Variants in SPAG9 observed in about 807,000 individuals in gnomAD.
The protein encoded by SPAG9 is C-Jun-amino-terminal kinase-interacting protein 4.
SPAG9 carries 35 observed loss-of-function variants against 166.5 expected under a neutral mutation model. The ratio of observed to expected loss-of-function variants is 0.21; its 90% CI spans 0.16 to 0.28. The LOEUF is 0.28. SPAG9 is among the 10% of genes least tolerant of loss of function. The pLI, the probability that SPAG9 is intolerant of heterozygous loss-of-function variation, is 1.00. For synonymous variants in SPAG9, 534 were observed against 565.5 expected, an observed-to-expected ratio of 0.94 and a Z score of 0.79; for missense variants, 1,235 against 1,603.3, an observed-to-expected ratio of 0.77 and a Z score of 3.92.
At chr17:51,067,799 C>T (rs2047715660) in intron 2 of SPAG9, among the ~76,000 whole-genome samples, 1 of 152,048 alleles carries the variant, frequency 6.6e-6, no homozygotes, top group Non-Finnish European at 1.5e-5. Context: ...TCCAAAATTT[C>T]CCCTTTAGAA....
Position 51,120,409 on chromosome 17 carries a change from T to C in SPAG9, c.248A>G (p.Glu83Gly). ...VELELLRDDN[E>G]QLITQYEREK... ...CCGCTCGTACTGGGTGATGAGCTGCTCGTTGTCGTCCCGCAGCAGCTCCAG... is the reference window on the plus strand; with the variant it reads ...CCGCTCGTACTGGGTGATGAGCTGCCCGTTGTCGTCCCGCAGCAGCTCCAG... Residue 83 changes from glutamate (E) to glycine (G), a missense_variant, in exon 1 of 30, where the codon GAG becomes GGG. Coordinates refer to ENST00000262013, the MANE Select transcript of SPAG9 (RefSeq NM_001130528.3). This position sits in a 1 kb window ranked among gnomAD's most constrained non-coding sequence, Gnocchi z 4.7. 6.2e-7 allele frequency: 1 copy of C among 1,611,948 alleles called. No individual in the cohort carries two copies. Among genetic ancestry groups the C allele is most frequent in the Non-Finnish European group, 8.5e-7 (1 of 1,179,156 alleles).
intron 5 of SPAG9, among the ~76,000 whole-genome samples, chr17:51,036,140 C>T (rs926319503): frequency 2.0e-5 from 3 of 152,064 alleles, no homozygotes; most frequent in African/African-American, 7.2e-5. Flanking sequence ...CTATTGAACC[C>T]TTCTTGTAAG....
intron 2 of SPAG9, among the ~76,000 whole-genome samples, chr17:51,074,020 A>C (rs2047897649): frequency 6.6e-6 from 1 of 151,678 alleles, no homozygotes; most frequent in African/African-American, 2.4e-5. Flanking sequence ...GTGGATAACA[A>C]GGTCAGGAGA....
intron 1 of SPAG9, among the ~76,000 whole-genome samples, chr17:51,111,341 C>G (rs775216467): frequency 2.0e-5 from 3 of 152,098 alleles, no homozygotes; most frequent in Non-Finnish European, 4.4e-5. Flanking sequence ...GAGTGCAGAG[C>G]AGAGCAAAAT....
At chr17:51,014,810 A>ACTT in intron 8 of SPAG9, among the ~76,000 whole-genome samples, 1 of 141,758 alleles carries the variant, frequency 7.1e-6, no homozygotes, top group East Asian at 2.9e-4. Context: ...AAGGTTAAAA[A>ACTT]CATAAATAGA....
chr17:51,047,027 C>A, intron 4 of SPAG9: 1 of 1,077,408 alleles, frequency 9.3e-7, no homozygotes, highest in Non-Finnish European at 1.2e-6. Context: ...TTCAAACATG[C>A]CTCTCTGTAA....
chr17:51,053,851 AAAAGTATATATAT>A (rs1246898009), intron 3 of SPAG9, among the ~76,000 whole-genome samples: 7 of 65,424 alleles, frequency 1.1e-4, no homozygotes, highest in African/African-American at 5.0e-4. Context: ...AAAAAAAAAA[AAAAGTATATATAT>A]ATATATATAT....
At chr17:51,098,614 T>TCCC (rs1048424805) in intron 1 of SPAG9, among the ~76,000 whole-genome samples, 1 of 152,052 alleles carries the variant, frequency 6.6e-6, no homozygotes, top group Non-Finnish European at 1.5e-5. Context: ...TAACTCAGCC[T>TCCC]CCCCAGTAGC....
intron 1 of SPAG9, among the ~76,000 whole-genome samples, chr17:51,118,529 T>C (rs976952754): frequency 1.6e-4 from 25 of 152,194 alleles, no homozygotes; most frequent in African/African-American, 6.0e-4. Context: ...TAAAAGGTCA[T>C]GTCAGGCTTG....
intron 1 of SPAG9, among the ~76,000 whole-genome samples, chr17:51,104,149 G>C (rs528296734): frequency 3.3e-4 from 50 of 152,234 alleles, no homozygotes; most frequent in African/African-American, 1.2e-3. Flanking sequence ...CCAGGTTTGG[G>C]AAATAAGTTC....
chr17:50,968,973 C>T (rs1380336310), intron 29 of SPAG9, among the ~76,000 whole-genome samples: 1 of 151,644 alleles, frequency 6.6e-6, no homozygotes, highest in East Asian at 2.0e-4. Flanking sequence ...CACTCTGTCA[C>T]CCAGGCTGGA....
chr17:51,031,443 T>C (rs1254751945), intron 6 of SPAG9: 9 of 529,070 alleles, frequency 1.7e-5, no homozygotes, highest in Non-Finnish European at 2.7e-5. Flanking sequence ...CAGAATTTAC[T>C]TATATTTTCT....
At chr17:51,009,892 G>A (rs913038997) in intron 9 of SPAG9, among the ~76,000 whole-genome samples, 2 of 152,020 alleles carry the variant, frequency 1.3e-5, no homozygotes, top group African/African-American at 2.4e-5. Flanking sequence ...AATATATGGT[G>A]TATAAATTGA....
In SPAG9 at chr17:50,990,798, T is replaced by C. The variant is rs922842007; in HGVS notation, c.2399-130A>G. 4.7e-5 allele frequency: 31 copies of C among 656,180 alleles called. No homozygotes were observed. The South Asian group carries it at 5.5e-4, about 12-fold the overall frequency. The allele number at this position is 656,180 out of a possible 1,614,324, so 40.6% of individuals were successfully genotyped here. On this transcript the variant is annotated intron_variant, in intron 19 of 29. Coordinates refer to ENST00000262013, the MANE Select transcript of SPAG9 (RefSeq NM_001130528.3). ...TACAGGTAGTTGAATACAGGTAGCA[T>C]TAAATTTACATAAACAAATCTTCAC...
At chr17:51,028,251 A>G (rs1176603371) in intron 6 of SPAG9, among the ~76,000 whole-genome samples, 1 of 152,164 alleles carries the variant, frequency 6.6e-6, no homozygotes, top group African/African-American at 2.4e-5. Context: ...AGGTTAATTT[A>G]TTATTGAAGA....
At chr17:51,119,681 T>C (rs542415592) in intron 1 of SPAG9, among the ~76,000 whole-genome samples, 2 of 152,310 alleles carry the variant, frequency 1.3e-5, no homozygotes, top group African/African-American at 4.8e-5. Context: ...CGGAGGGTTT[T>C]TGAAGGGAAC....
At chr17:51,029,044 T>A (rs1223327853) in intron 6 of SPAG9, among the ~76,000 whole-genome samples, 1 of 152,186 alleles carries the variant, frequency 6.6e-6, no homozygotes, top group African/African-American at 2.4e-5. Context: ...ATAGCCCCAT[T>A]TTCCCCTTTA....
At chr17:51,024,241 T>A (rs890610599) in intron 6 of SPAG9, among the ~76,000 whole-genome samples, 1 of 151,456 alleles carries the variant, frequency 6.6e-6, no homozygotes, top group African/African-American at 2.4e-5. Context: ...GCCTGGGGGA[T>A]AGAGCGAGAC....
rs1410615903 is a variant in SPAG9, at chr17:51,012,372, C to G, written c.1213+1860G>C. Among the ~76,000 whole-genome samples the G allele has an allele frequency of 2.0e-5, 3 of 152,108 alleles. No homozygotes were observed. The East Asian group carries it at 5.8e-4, about 29-fold the overall frequency. ...GAATCATGAGGTCAGGAGTTTGAGA[C>G]CAGCCTGGCCAGTATAGTAAAACCC... is the stretch of plus-strand genomic sequence containing the variant. On this transcript the variant is annotated intron_variant, in intron 9 of 29. Transcript: ENST00000262013.
Sources: allele counts gnomAD v4.1 joint callset (sites outside exome capture counted in the v4.1 genomes callset), GRCh38; gene constraint gnomAD v4.1.1; non-coding constraint Gnocchi (gnomAD v3.1); transcripts MANE v1.5; gene names NCBI Gene and HGNC (gene_info 2026-07-23, HGNC 2026-07-21).